Variants in TBC1D9 observed in about 807,000 individuals in gnomAD.
The protein encoded by TBC1D9 is TBC1 domain family member 9, also known as TBC1 domain family member 9A.
A neutral mutation model predicts 132.0 loss-of-function variants in TBC1D9; 63 were observed. The ratio of observed to expected loss-of-function variants is 0.48; its 90% CI spans 0.39 to 0.59. The LOEUF (loss-of-function observed/expected upper bound fraction) is 0.59, where lower values mean the gene tolerates loss of function less well. TBC1D9 is among the 20% of genes least tolerant of loss of function. The pLI, the probability that TBC1D9 is intolerant of heterozygous loss-of-function variation, is 0.00. For synonymous variants in TBC1D9, 610 were observed against 609.9 expected (o/e 1.00, Z 0.00); for missense variants, 1,261 against 1,592.7 (o/e 0.79, Z 3.54).
intron 9 of TBC1D9, among the ~76,000 whole-genome samples, chr4:140,662,479 C>A (rs1001624228): frequency 1.3e-5 from 2 of 152,196 alleles, no homozygotes; most frequent in East Asian, 1.9e-4. Flanking sequence ...CTCTCTTCAA[C>A]CCCAGCAGCT....
Position 140,634,129 on chromosome 4 carries a change from G to C in TBC1D9, c.2565C>G (p.Asp855Glu). The C allele has an allele frequency of 6.2e-7, 1 of 1,613,960 alleles. No individual in the cohort carries two copies. The highest frequency in any genetic ancestry group is 8.5e-7 in the Non-Finnish European group (1 of 1,179,900). ...GGSSNALDRH[D>E]PSLPYLEQYR... is the part of the protein sequence containing the mutation. The stretch of plus-strand genomic sequence containing the variant: ...ACTGTTCCAGGTAGGGCAGGCTGGG[G>C]TCATGCCGGTCCAGCGCGTTGCTGC... The change falls in exon 16 of 21, where the codon GAC becomes GAG. Residue 855 changes from aspartate to glutamate, a missense_variant. Physicochemically the swap from Asp to Glu is conservative, Grantham distance 45 (BLOSUM62 2). Transcript: ENST00000442267.
intron 13 of TBC1D9, chr4:140,644,488 C>T (rs781139137): frequency 6.0e-5 from 18 of 299,372 alleles, no homozygotes; most frequent in Non-Finnish European, 9.7e-5. Context: ...CTCGCAGGGC[C>T]GGCAGCCAGG....
chr4:140,747,652 TA>T (rs1258039343), intron 1 of TBC1D9, among the ~76,000 whole-genome samples: 1 of 152,126 alleles, frequency 6.6e-6, no homozygotes, highest in Non-Finnish European at 1.5e-5. Flanking sequence ...GAGTAACAAT[TA>T]TTTTGGGAGG....
At chr4:140,729,122 C>T (rs6853487) in intron 1 of TBC1D9, among the ~76,000 whole-genome samples, 59,392 of 151,996 alleles carry the variant, frequency 0.39, 13,920 homozygotes, top group African/African-American at 0.65. Flanking sequence ...TCATGCAGTC[C>T]TCATTTGCCA....
chr4:140,695,414 C>G (rs1737938198), intron 2 of TBC1D9, among the ~76,000 whole-genome samples: 1 of 152,136 alleles, frequency 6.6e-6, no homozygotes, highest in Admixed American at 6.5e-5. Flanking sequence ...AATACACAGC[C>G]AAATCAAGGC....
chr4:140,725,665 T>A (rs955753420), intron 1 of TBC1D9, among the ~76,000 whole-genome samples: 2 of 152,112 alleles, frequency 1.3e-5, no homozygotes, highest in African/African-American at 4.8e-5. Context: ...GTTTGCTGGA[T>A]GCGGATCTCA....
At chr4:140,628,239 C>A (rs2291711) in intron 17 of TBC1D9, 61 bp downstream of exon 17, 946,810 of 1,493,632 alleles carry the variant, frequency 0.63, 301,865 homozygotes, top group African/African-American at 0.73. Flanking sequence ...ACACCTAAAA[C>A]AGAGACTTCA....
Position 140,663,014 on chromosome 4 carries a change from T to C in TBC1D9, c.1589-907A>G, listed in dbSNP as rs149845202. On this transcript the variant is annotated intron_variant, in intron 9 of 20. Transcript: ENST00000442267. ...TGATATGGCAATTATTTTCTGGATG[T>C]GACACCAATAGCACGGGCAGCAAAA... is the stretch of plus-strand genomic sequence containing the variant. Among the ~76,000 whole-genome samples the C allele has an allele frequency of 2.4e-4, 36 of 152,332 alleles. No individual in the cohort carries two copies. The East Asian group carries it at 6.9e-3, about 29-fold the overall frequency.
intron 1 of TBC1D9, among the ~76,000 whole-genome samples, chr4:140,733,213 A>G (rs1205916800): frequency 6.6e-6 from 1 of 152,204 alleles, no homozygotes; most frequent in East Asian, 1.9e-4. Flanking sequence ...GAATATTCCT[A>G]ATTGTTTAAA....
intron 1 of TBC1D9, among the ~76,000 whole-genome samples, chr4:140,716,639 CA>C (rs1194083019): frequency 6.6e-6 from 1 of 152,038 alleles, no homozygotes; most frequent in Non-Finnish European, 1.5e-5. Flanking sequence ...ATAAACTTGT[CA>C]CAACAGAGGG....
intron 1 of TBC1D9, among the ~76,000 whole-genome samples, chr4:140,737,213 G>A (rs1738687569): frequency 1.3e-5 from 2 of 152,122 alleles, no homozygotes; most frequent in African/African-American, 2.4e-5. Flanking sequence ...GTACTGGACT[G>A]CGCCTTGGGG....
At chr4:140,713,937 T>C (rs1738289967) in intron 1 of TBC1D9, among the ~76,000 whole-genome samples, 1 of 152,154 alleles carries the variant, frequency 6.6e-6, no homozygotes, top group Non-Finnish European at 1.5e-5. Flanking sequence ...GATCCTACTA[T>C]AAGAGTTTGT....
chr4:140,652,998 A>C (rs1737210247), intron 13 of TBC1D9, among the ~76,000 whole-genome samples: 1 of 152,180 alleles, frequency 6.6e-6, no homozygotes. Flanking sequence ...CAGGAGGGGC[A>C]TCTCAGTCTA....
intron 6 of TBC1D9, among the ~76,000 whole-genome samples, chr4:140,672,914 CTTT>C (rs1284203903): frequency 6.6e-6 from 1 of 152,134 alleles, no homozygotes; most frequent in African/African-American, 2.4e-5. Flanking sequence ...AATCCCAGCA[CTTT>C]GGGAGGCCTA....
At chr4:140,732,921 AT>A (rs1490879563) in intron 1 of TBC1D9, among the ~76,000 whole-genome samples, 1 of 152,226 alleles carries the variant, frequency 6.6e-6, no homozygotes, top group East Asian at 1.9e-4. Context: ...GTACAATACA[AT>A]CGCCACTATA....
chr4:140,692,930 G>A (rs1737899335), intron 2 of TBC1D9, among the ~76,000 whole-genome samples: 1 of 151,830 alleles, frequency 6.6e-6, no homozygotes, highest in African/African-American at 2.4e-5. Context: ...TAAGGTAGGG[G>A]GTCACCTAAG....
intron 16 of TBC1D9, among the ~76,000 whole-genome samples, chr4:140,629,011 G>T (rs916103196): frequency 4.6e-5 from 7 of 152,118 alleles, no homozygotes; most frequent in African/African-American, 1.2e-4. Flanking sequence ...TATTCTGAGA[G>T]CACCTAAAGA....
In TBC1D9 at chr4:140,670,757, T is replaced by G; in HGVS notation, c.1229A>C (p.Lys410Thr). 1 of 1,613,960 alleles carries G rather than the reference T, an allele frequency of 6.2e-7. No individual in the cohort carries two copies. Among genetic ancestry groups the G allele is most frequent in the Non-Finnish European group, 8.5e-7 (1 of 1,179,882 alleles). Residue 410 changes from lysine (K) to threonine (T), a missense_variant, in exon 7 of 21, where the codon AAG (lysine) becomes ACG (threonine). Lys to Thr is a moderately conservative substitution (Grantham distance 78). Transcript: ENST00000442267. ...QQTTSKIYSD[K>T]EFAGSYNSSD... is the part of the protein sequence containing the mutation. The stretch of plus-strand genomic sequence containing the variant: ...ACTGTTGTAACTTCCTGCAAACTCC[T>G]TGTCAGAATATATTTTGGAAGTAGT...
At chr4:140,702,539 C>T (rs893406974) in intron 1 of TBC1D9, among the ~76,000 whole-genome samples, 3 of 152,218 alleles carry the variant, frequency 2.0e-5, no homozygotes, top group African/African-American at 4.8e-5. Flanking sequence ...GAACGCACAA[C>T]CCTGTTTCTC....
Sources: gnomAD v4.1 joint callset for allele counts (sites outside exome capture counted in the v4.1 genomes callset) on GRCh38, gnomAD v4.1.1 for gene constraint, MANE v1.5 for transcripts, NCBI Gene and HGNC (gene_info 2026-07-23, HGNC 2026-07-21) for gene names.